USP39: variants seen among roughly 807,000 people sequenced by gnomAD.
USP39 encodes ubiquitin carboxyl-terminal hydrolase 39.
USP39 carries 38 observed loss-of-function variants against 66.4 expected under a neutral mutation model. That is an observed-to-expected ratio of 0.57 (90% CI 0.44 to 0.75). USP39 has a LOEUF of 0.75. Ranked by LOEUF, USP39 falls within the 30% of genes least tolerant of loss-of-function variation. The pLI is 0.00. For missense variants in USP39, 608 were observed against 714.4 expected (o/e 0.85, Z 1.70); for synonymous variants, 303 against 274.6 (o/e 1.10, Z -1.02).
At chr2:85,626,743 A>T (rs1412123506) in intron 5 of USP39, among the ~76,000 whole-genome samples, 3 of 148,956 alleles carry the variant, frequency 2.0e-5, no homozygotes, top group African/African-American at 7.4e-5. Context: ...TTTGAGACGG[A>T]GTCTCAGTCT....
chr2:85,648,921 T>C lies in USP39; in HGVS notation c.*113T>C, dbSNP rs1676852585. 1 of 1,266,388 alleles carries C rather than the reference T, an allele frequency of 7.9e-7. No homozygotes were observed. The allele number at this position is 1,266,388 out of a possible 1,614,324, so 78.4% of individuals were successfully genotyped here. A position where few individuals can be genotyped will look rare whatever the true frequency, so the allele number is the denominator to read the frequency against. On this transcript the variant is annotated 3_prime_UTR_variant, in exon 13 of 13. Coordinates refer to ENST00000323701, the MANE Select transcript of USP39 (RefSeq NM_006590.4). ...GGTGGGCTTCCTAGGCCAGCCCAGCTTGTATGGGTTCTGGCTACACCAGAG... is the reference window on the plus strand; with the variant it reads ...GGTGGGCTTCCTAGGCCAGCCCAGCCTGTATGGGTTCTGGCTACACCAGAG...
chr2:85,638,216 T>G (rs969423907), intron 8 of USP39, among the ~76,000 whole-genome samples: 1 of 151,300 alleles, frequency 6.6e-6, no homozygotes, highest in Non-Finnish European at 1.5e-5. Flanking sequence ...GAGAAGAGGT[T>G]TTACCATGTT....
At chr2:85,619,192 T>G (rs747204290) in intron 1 of USP39, 28 bp from the exon 2 acceptor site, 1 of 1,613,212 alleles carries the variant, frequency 6.2e-7, no homozygotes, top group South Asian at 1.1e-5. Flanking sequence ...TTTCCCATTT[T>G]CAAAGCCTGT....
At chr2:85,610,522 TA>T (rs1673440422), upstream of USP39, 2 of 152,230 alleles carry the variant, frequency 1.3e-5, no homozygotes, top group African/African-American at 4.8e-5. Context: ...GCAAGTTGTT[TA>T]ACCTCTCTGT....
chr2:85,643,875 A>G (rs1676440262), intron 10 of USP39, among the ~76,000 whole-genome samples: 1 of 151,204 alleles, frequency 6.6e-6, no homozygotes, highest in African/African-American at 2.4e-5. Context: ...CTGGTTTCGA[A>G]CTCCTGAGCT....
upstream of USP39, chr2:85,612,254 G>A (rs772684723): frequency 7.9e-5 from 113 of 1,427,522 alleles, no homozygotes; most frequent in Non-Finnish European, 1.0e-4. Context: ...ATATCAATAG[G>A]AAACAAGGAC....
chr2:85,603,582 A>ACTTTTT (rs928408219), intron 1 of USP39, among the ~76,000 whole-genome samples: 1 of 149,754 alleles, frequency 6.7e-6, no homozygotes, highest in Non-Finnish European at 1.5e-5. Context: ...TTTTTTTTTT[A>ACTTTTT]CTTTTTCTTT....
chr2:85,631,172 G>A (rs1245206015), intron 6 of USP39, among the ~76,000 whole-genome samples: 4 of 151,896 alleles, frequency 2.6e-5, no homozygotes, highest in African/African-American at 9.7e-5. Context: ...GCACCACCAC[G>A]CCCGGCTAAT....
At chr2:85,645,258 A>C in intron 11 of USP39, 175 bp downstream of exon 11, 1 of 748,800 alleles carries the variant, frequency 1.3e-6, no homozygotes, top group Non-Finnish European at 2.0e-6. Context: ...TTGGCTACAC[A>C]TTGGACTCAC....
At chr2:85,605,566 G>T (rs983648656) in intron 1 of USP39, among the ~76,000 whole-genome samples, 1 of 152,196 alleles carries the variant, frequency 6.6e-6, no homozygotes, top group Non-Finnish European at 1.5e-5. Context: ...CAGGAATTCA[G>T]CAAGGGAGCT....
upstream of USP39, chr2:85,609,074 G>A: frequency 1.9e-6 from 3 of 1,614,010 alleles, no homozygotes; most frequent in South Asian, 3.3e-5. Context: ...CACCCTACGT[G>A]GAGGAAGAGT....
At chr2:85,635,923 C>T in intron 6 of USP39, 130 bp from the exon 7 acceptor site, 1 of 803,468 alleles carries the variant, frequency 1.2e-6, no homozygotes. Flanking sequence ...GAGGAGGATG[C>T]ACGGCAGTTG....
At chr2:85,631,729 A>T (rs1031495619) in intron 6 of USP39, among the ~76,000 whole-genome samples, 1 of 151,638 alleles carries the variant, frequency 6.6e-6, no homozygotes, top group African/African-American at 2.4e-5. Context: ...TTCTGATGAT[A>T]TTTTTGTTTT....
At chr2:85,613,276 A>G (rs1460555240), upstream of USP39, among the ~76,000 whole-genome samples, 7 of 152,260 alleles carry the variant, frequency 4.6e-5, no homozygotes, top group South Asian at 1.2e-3. Flanking sequence ...TGGGAGGCCC[A>G]GGCGGGCAGA....
chr2:85,610,679 G>C (rs906002467), upstream of USP39: 1 of 151,830 alleles, frequency 6.6e-6, no homozygotes. Flanking sequence ...AGCACTTTGG[G>C]AGGCCGATGC....
upstream of USP39, chr2:85,607,457 C>G (rs189837958): frequency 8.4e-4 from 128 of 152,324 alleles, no homozygotes; most frequent in African/African-American, 3.0e-3. Context: ...GGCACTTAAC[C>G]TTGACCAGCT....
upstream of USP39, among the ~76,000 whole-genome samples, chr2:85,612,942 TGA>T (rs1429291998): frequency 4.0e-5 from 6 of 150,036 alleles, no homozygotes; most frequent in Non-Finnish European, 7.4e-5. Flanking sequence ...ATTGCAGGCA[TGA>T]GCCACCGTGC....
intron 5 of USP39, among the ~76,000 whole-genome samples, chr2:85,629,547 A>T (rs1675159363): frequency 7.0e-6 from 1 of 142,508 alleles, no homozygotes; most frequent in Non-Finnish European, 1.5e-5. Flanking sequence ...TCTAGGCTGG[A>T]GTGCAGTGGT....
chr2:85,630,931 C>T lies in USP39; in HGVS notation c.934C>T (p.Gln312Ter). Residue 312 changes from glutamine to a stop codon, truncating the protein, a stop_gained, in exon 6 of 13, where the codon CAG (glutamine) becomes TAG (stop). Transcript: ENST00000323701. LOFTEE classifies it high-confidence loss of function. ...TGTACTTTGCAGTAAGAAGACTTTT[C>T]AGATCACCAAACAAGGTAAGAACAA... ...AVVLCSKKTF[Q>*]ITKQGDGVDF... 1 of 1,614,062 alleles carries T rather than the reference C, an allele frequency of 6.2e-7. No homozygotes were observed. Among genetic ancestry groups the T allele is most frequent in the African/African-American group, 1.3e-5 (1 of 75,014 alleles).
Sources: gnomAD v4.1 joint callset for allele counts (sites outside exome capture counted in the v4.1 genomes callset) on GRCh38, gnomAD v4.1.1 for gene constraint, MANE v1.5 for transcripts, NCBI Gene and HGNC (gene_info 2026-07-23, HGNC 2026-07-21) for gene names.